Variants in RBFOX1 observed in about 807,000 individuals in gnomAD.
RBFOX1 encodes the protein RNA binding fox-1 homolog 1.
A neutral mutation model predicts 57.7 loss-of-function variants in RBFOX1; 8 were observed. That is an observed-to-expected ratio of 0.14 (90% confidence interval 0.08 to 0.25). The LOEUF is 0.25. Among genes scored for constraint, RBFOX1 ranks in the 10% least tolerant of loss-of-function variants. The probability of loss-of-function intolerance (pLI) is 1.00; values close to 1 mark genes in which losing one functional copy is unlikely to be tolerated. For missense variants in RBFOX1, 611 were observed against 548.5 expected (o/e 1.11, Z -1.14); for synonymous variants, 326 against 222.4 (o/e 1.47, Z -4.15).
chr16:5,434,475 C>G (rs1023068234), intron 1 of RBFOX1, among the ~76,000 whole-genome samples: 5 of 151,866 alleles, frequency 3.3e-5, no homozygotes, highest in African/African-American at 1.2e-4. Flanking sequence ...GCATGCACCA[C>G]CATGCCCAGC....
chr16:5,667,044 A>G (rs1485509927), intron 3 of RBFOX1, among the ~76,000 whole-genome samples: 3 of 152,174 alleles, frequency 2.0e-5, no homozygotes, highest in Non-Finnish European at 4.4e-5. Flanking sequence ...TGAGGTTGAT[A>G]AGATGCCTGT....
At chr16:5,959,073 T>C (rs1323936571) in intron 4 of RBFOX1, among the ~76,000 whole-genome samples, 1 of 152,200 alleles carries the variant, frequency 6.6e-6, no homozygotes, top group Non-Finnish European at 1.5e-5. Context: ...CTTGCAGCAG[T>C]GCCTGGCACA....
At chr16:6,950,029 G>A (rs905024685) in intron 3 of RBFOX1, among the ~76,000 whole-genome samples, 8 of 150,804 alleles carry the variant, frequency 5.3e-5, no homozygotes, top group Admixed American at 2.0e-4. Flanking sequence ...TCGCTGCAAC[G>A]TCTGCCTCCT....
chr16:6,156,112 A>G (rs887940055), intron 1 of RBFOX1, among the ~76,000 whole-genome samples: 1 of 152,188 alleles, frequency 6.6e-6, no homozygotes, highest in Non-Finnish European at 1.5e-5. Context: ...GCTAGGATTC[A>G]TGTTCATTTC....
intron 1 of RBFOX1, among the ~76,000 whole-genome samples, chr16:6,239,946 G>A (rs555142051): frequency 5.3e-4 from 80 of 152,280 alleles, no homozygotes; most frequent in Non-Finnish European, 1.1e-3. Context: ...AATGGTGGGG[G>A]GTGTTTCGGT....
chr16:7,423,180 A>G (rs1041502139), intron 4 of RBFOX1, among the ~76,000 whole-genome samples: 5 of 152,060 alleles, frequency 3.3e-5, no homozygotes, highest in Non-Finnish European at 7.3e-5. Context: ...TTTTAATCAT[A>G]GACTTGGCCT....
chr16:6,798,285 C>T (rs1047523055), intron 3 of RBFOX1, among the ~76,000 whole-genome samples: 1 of 152,044 alleles, frequency 6.6e-6, no homozygotes, highest in Non-Finnish European at 1.5e-5. Flanking sequence ...CCTGAATCTG[C>T]ATAGATTGTA....
At chr16:5,535,105 G>C (rs1001605422) in intron 2 of RBFOX1, among the ~76,000 whole-genome samples, 11 of 152,180 alleles carry the variant, frequency 7.2e-5, no homozygotes, top group Admixed American at 6.5e-4. Context: ...GACCAATACA[G>C]TAGCTGATAA....
chr16:5,474,127 C>A (rs1268434947), intron 2 of RBFOX1, among the ~76,000 whole-genome samples: 5 of 152,086 alleles, frequency 3.3e-5, no homozygotes, highest in Non-Finnish European at 5.9e-5. Context: ...TATTCCAAAG[C>A]AAATAAGAAT....
At chr16:6,976,269 C>G (rs1317150282) in intron 3 of RBFOX1, among the ~76,000 whole-genome samples, 1 of 152,126 alleles carries the variant, frequency 6.6e-6, no homozygotes, top group Non-Finnish European at 1.5e-5. Flanking sequence ...AGAAACTCAC[C>G]TGTACTGAGA....
chr16:5,411,088 G>T (rs1203617653), intron 1 of RBFOX1, among the ~76,000 whole-genome samples: 1 of 152,194 alleles, frequency 6.6e-6, no homozygotes, highest in Non-Finnish European at 1.5e-5. Flanking sequence ...TTGGGATGGG[G>T]TCAAGTATTT....
intron 3 of RBFOX1, among the ~76,000 whole-genome samples, chr16:6,657,378 G>T (rs553150881): frequency 6.6e-6 from 1 of 152,250 alleles, no homozygotes; most frequent in African/African-American, 2.4e-5. Flanking sequence ...TAATTGAACA[G>T]TCAAGAAGCA....
intron 4 of RBFOX1, among the ~76,000 whole-genome samples, chr16:7,133,983 C>T (rs1405511699): frequency 1.3e-5 from 2 of 152,192 alleles, no homozygotes; most frequent in Non-Finnish European, 2.9e-5. Context: ...GGCTCTGCGG[C>T]ATTCAATTCT....
chr16:6,216,533 C>G (rs1305799625), intron 1 of RBFOX1, among the ~76,000 whole-genome samples: 1 of 152,184 alleles, frequency 6.6e-6, no homozygotes, highest in East Asian at 1.9e-4. Context: ...CCTGAGTAGC[C>G]TCTGCTAGAA....
At chr16:5,533,478 T>C (rs1182846028) in intron 2 of RBFOX1, among the ~76,000 whole-genome samples, 4 of 152,140 alleles carry the variant, frequency 2.6e-5, no homozygotes, top group Non-Finnish European at 4.4e-5. Context: ...CACATTTTTT[T>C]CTGATGGTGG....
Position 6,714,683 on chromosome 16 carries a change from G to A in RBFOX1, c.-16+60033G>A, listed in dbSNP as rs189620822. 2.6e-5 allele frequency among the ~76,000 whole-genome samples: 4 copies of A among 152,158 alleles called. No individual in the cohort carries two copies. In the East Asian group the frequency reaches 5.8e-4, roughly 22 times the overall value. On this transcript the variant is annotated intron_variant, in intron 3 of 15. Transcript: ENST00000550418. Reference sequence around the variant, plus strand: ...GTGCACTGATATCATAAAGGTGTAGGTAAATTGGTGGGGCCCTGGAGTGCC... The same window carrying A: ...GTGCACTGATATCATAAAGGTGTAGATAAATTGGTGGGGCCCTGGAGTGCC...
intron 2 of RBFOX1, among the ~76,000 whole-genome samples, chr16:5,582,058 T>A (rs1461792237): frequency 6.6e-6 from 1 of 152,230 alleles, no homozygotes; most frequent in Non-Finnish European, 1.5e-5. Context: ...AGAATCCACA[T>A]TCAAACTTGC....
At chr16:7,575,479 A>AC (rs1054180323) in intron 5 of RBFOX1, among the ~76,000 whole-genome samples, 4 of 151,950 alleles carry the variant, frequency 2.6e-5, no homozygotes, top group African/African-American at 9.7e-5. Flanking sequence ...TTGGAGTTTC[A>AC]CCCCCGCAGA....
chr16:6,876,259 C>T (rs931227441), intron 3 of RBFOX1, among the ~76,000 whole-genome samples: 1 of 152,086 alleles, frequency 6.6e-6, no homozygotes, highest in Non-Finnish European at 1.5e-5. Flanking sequence ...TCCAGTCTTT[C>T]TATTCTTGGG....
Sources: gnomAD v4.1 joint callset for allele counts (sites outside exome capture counted in the v4.1 genomes callset) on GRCh38, gnomAD v4.1.1 for gene constraint, MANE v1.5 for transcripts, NCBI Gene and HGNC (gene_info 2026-07-23, HGNC 2026-07-21) for gene names.